The following DPP10 variants were observed in gnomAD, a reference collection of about 807,000 sequenced individuals.
DPP10 encodes inactive dipeptidyl peptidase 10.
Under a neutral mutation model 120.9 loss-of-function variants are expected in DPP10, and 33 were observed. The observed-to-expected ratio is 0.27, with a 90% CI of 0.21 to 0.37. DPP10 has a LOEUF of 0.37. DPP10 is among the 10% of genes least tolerant of loss of function. The probability of loss-of-function intolerance (pLI) is 1.00; values close to 1 mark genes in which losing one functional copy is unlikely to be tolerated. For missense variants in DPP10, 816 were observed against 942.8 expected, an observed-to-expected ratio of 0.87 and a Z score of 1.76; for synonymous variants, 337 against 326.1, an observed-to-expected ratio of 1.03 and a Z score of -0.36.
intron 1 of DPP10, among the ~76,000 whole-genome samples, chr2:115,245,916 C>T (rs990032504): frequency 4.6e-5 from 7 of 151,984 alleles, no homozygotes; most frequent in South Asian, 2.1e-4. Context: ...TTATTTCAGA[C>T]GCAGCTTGTA....
intron 1 of DPP10, among the ~76,000 whole-genome samples, chr2:115,052,430 C>T (rs923269004): frequency 1.3e-5 from 2 of 152,066 alleles, no homozygotes; most frequent in Admixed American, 6.6e-5. Context: ...TAATATATCT[C>T]ATAAGGGTTT....
chr2:114,502,638 C>G (rs998391626), intron 1 of DPP10, among the ~76,000 whole-genome samples: 1 of 152,096 alleles, frequency 6.6e-6, no homozygotes, highest in African/African-American at 2.4e-5. Flanking sequence ...AGGAGTGACC[C>G]TCTTTTTCTC....
At chr2:114,775,417 G>A (rs1020499374) in intron 1 of DPP10, among the ~76,000 whole-genome samples, 2 of 152,076 alleles carry the variant, frequency 1.3e-5, no homozygotes, top group African/African-American at 2.4e-5. Flanking sequence ...AGCTGGTGGG[G>A]GTAGACTTAC....
chr2:115,460,760 CTTGAGAA>C (rs2073940789), intron 3 of DPP10, among the ~76,000 whole-genome samples: 2 of 152,144 alleles, frequency 1.3e-5, no homozygotes, highest in Non-Finnish European at 2.9e-5. Context: ...ACTGCCAGGT[CTTGAGAA>C]TGAGAAGAGG....
intron 1 of DPP10, among the ~76,000 whole-genome samples, chr2:114,554,407 C>T (rs537839801): frequency 9.2e-5 from 14 of 152,306 alleles, no homozygotes; most frequent in Admixed American, 2.6e-4. Context: ...GGTCTTGCCC[C>T]CTTTCTGGGC....
At chr2:115,379,243 C>G (rs2066082719) in intron 3 of DPP10, among the ~76,000 whole-genome samples, 1 of 152,256 alleles carries the variant, frequency 6.6e-6, no homozygotes, top group Non-Finnish European at 1.5e-5. Context: ...TGTTATTGGT[C>G]TATTCAGAGA....
At chr2:115,451,229 A>C (rs2073081205) in intron 3 of DPP10, among the ~76,000 whole-genome samples, 1 of 151,972 alleles carries the variant, frequency 6.6e-6, no homozygotes, top group African/African-American at 2.4e-5. Context: ...TGACAGTATA[A>C]TAAAAGTATT....
chr2:115,337,689 A>G (rs1013025040), intron 2 of DPP10, among the ~76,000 whole-genome samples: 1 of 141,434 alleles, frequency 7.1e-6, no homozygotes, highest in African/African-American at 2.6e-5. Flanking sequence ...AAAAAAAAAG[A>G]TAGAGGATAG....
intron 1 of DPP10, among the ~76,000 whole-genome samples, chr2:114,697,129 T>C (rs1559013424): frequency 6.6e-6 from 1 of 152,056 alleles, no homozygotes; most frequent in Non-Finnish European, 1.5e-5. Context: ...ACCTTTTTCA[T>C]AGGAATATTG....
At chr2:115,440,519 CTA>C (rs1289664023) in intron 3 of DPP10, among the ~76,000 whole-genome samples, 4 of 152,178 alleles carry the variant, frequency 2.6e-5, no homozygotes, top group African/African-American at 9.7e-5. Context: ...GAACGCCACA[CTA>C]TGAGATGAAT....
chr2:115,735,967 T>C (rs982549500), intron 8 of DPP10, among the ~76,000 whole-genome samples: 1 of 152,160 alleles, frequency 6.6e-6, no homozygotes, highest in Non-Finnish European at 1.5e-5. Flanking sequence ...AAACATATTT[T>C]TATTTCTGGC....
chr2:115,377,305 A>G (rs1358416492), intron 3 of DPP10, among the ~76,000 whole-genome samples: 3 of 151,994 alleles, frequency 2.0e-5, no homozygotes, highest in African/African-American at 7.2e-5. Flanking sequence ...ATGGCCAGTG[A>G]TGGTGAGCAT....
intron 1 of DPP10, among the ~76,000 whole-genome samples, chr2:115,010,875 A>C (rs1364170314): frequency 2.6e-5 from 4 of 152,190 alleles, no homozygotes; most frequent in African/African-American, 9.6e-5. Context: ...CAACACCTGA[A>C]AGATTGATGC....
intron 1 of DPP10, among the ~76,000 whole-genome samples, chr2:114,655,312 C>G (rs1486698185): frequency 2.0e-5 from 3 of 152,042 alleles, no homozygotes; most frequent in Non-Finnish European, 4.4e-5. Context: ...AGTTAGTTAC[C>G]TACCGTGATA....
chr2:115,840,783 T>C lies in DPP10; in HGVS notation c.2216T>C (p.Ile739Thr), dbSNP rs546483649. The stretch of plus-strand genomic sequence containing the variant: ...CATTTCCAACACTCAGCAGAATTAA[T>C]CAAGCACCTAATAAAAGCTGGAGTG... ...KVHFQHSAEL[I>T]KHLIKAGVNY... Residue 739 changes from isoleucine to threonine, a missense_variant, in exon 25 of 26, where the codon ATC becomes ACC. Physicochemically the swap from Ile to Thr is moderately conservative, Grantham distance 89. Transcript: ENST00000410059. The C allele has an allele frequency of 1.2e-4, 191 of 1,613,872 alleles. No individual in the cohort carries two copies. In the South Asian group the frequency reaches 2.0e-3, roughly 17 times the overall value.
chr2:115,296,416 C>T (rs1040439999), intron 1 of DPP10, among the ~76,000 whole-genome samples: 21 of 152,014 alleles, frequency 1.4e-4, no homozygotes, highest in African/African-American at 5.1e-4. Flanking sequence ...GGCATCTTAC[C>T]TGACTCCTGG....
At chr2:114,907,969 TAA>T in intron 1 of DPP10, among the ~76,000 whole-genome samples, 1 of 152,170 alleles carries the variant, frequency 6.6e-6, no homozygotes, top group Non-Finnish European at 1.5e-5. Flanking sequence ...TTTTTAAATA[TAA>T]TTTTGGCTTC....
chr2:114,622,994 G>T (rs953545494), intron 1 of DPP10, among the ~76,000 whole-genome samples: 1 of 152,078 alleles, frequency 6.6e-6, no homozygotes, highest in East Asian at 1.9e-4. Flanking sequence ...GAGGTGACAG[G>T]ATGAACCAAG....
rs146037756 is a variant in DPP10 at position 115,550,324 on chromosome 2, T to C, written c.441+24352T>C. ...AATGGCTAATGTAGCTGAGTTTTTT[T>C]TGTCAAGTTAGAAATTTTCATTCTC... is the stretch of plus-strand genomic sequence containing the variant. On this transcript the variant is annotated intron_variant, in intron 5 of 25. Coordinates refer to ENST00000410059, the MANE Select transcript of DPP10 (RefSeq NM_020868.6). Among the ~76,000 whole-genome samples the C allele has an allele frequency of 3.1e-3, 470 of 152,284 alleles. 10 individuals are homozygous for C. The highest frequency in any genetic ancestry group is 1.4e-3 in the Non-Finnish European group (96 of 68,020).
Sources: allele counts gnomAD v4.1 joint callset (sites outside exome capture counted in the v4.1 genomes callset), GRCh38; gene constraint gnomAD v4.1.1; transcripts MANE v1.5; gene names NCBI Gene and HGNC (gene_info 2026-07-23, HGNC 2026-07-21).